RGS6: variants seen among roughly 807,000 people sequenced by gnomAD.
RGS6 encodes the protein regulator of G protein signaling 6, also known as regulator of G-protein signaling 6.
A neutral mutation model predicts 78.5 loss-of-function variants in RGS6; 30 were observed. The ratio of observed to expected loss-of-function variants is 0.38; its 90% CI spans 0.29 to 0.52. The LOEUF (loss-of-function observed/expected upper bound fraction) is 0.52, where lower values mean the gene tolerates loss of function less well. RGS6 is among the 20% of genes least tolerant of loss of function. The pLI is 0.85. For missense variants in RGS6, 495 were observed against 609.7 expected, an observed-to-expected ratio of 0.81 and a Z score of 1.98; for synonymous variants, 206 against 206.0, an observed-to-expected ratio of 1.00 and a Z score of 0.00.
At chr14:71,955,123 C>G (rs561230086) in intron 1 of RGS6, among the ~76,000 whole-genome samples, 5 of 152,116 alleles carry the variant, frequency 3.3e-5, no homozygotes, top group South Asian at 2.1e-4. Flanking sequence ...TCAAATCCCC[C>G]CAAGGGTCCT....
chr14:71,892,058 A>C, the RGS6 span, among the ~76,000 whole-genome samples: 3 of 152,230 alleles, frequency 2.0e-5, no homozygotes, highest in African/African-American at 7.2e-5. Flanking sequence ...ACTTCATTAC[A>C]CATGAATCTC....
At chr14:71,999,579 G>T (rs1450769897) in intron 2 of RGS6, among the ~76,000 whole-genome samples, 2 of 152,096 alleles carry the variant, frequency 1.3e-5, no homozygotes, top group Non-Finnish European at 2.9e-5. Context: ...CAATGTTGGA[G>T]GTGGGGCCTG....
the RGS6 span, among the ~76,000 whole-genome samples, chr14:71,882,564 G>A: frequency 1.3e-5 from 2 of 152,198 alleles, no homozygotes; most frequent in Non-Finnish European, 2.9e-5. Context: ...GCTGTTGAAT[G>A]GAACAGGTCT....
intron 2 of RGS6, among the ~76,000 whole-genome samples, chr14:72,026,078 C>G (rs1374085538): frequency 6.6e-6 from 1 of 152,132 alleles, no homozygotes; most frequent in Non-Finnish European, 1.5e-5. Flanking sequence ...AAACCTAAGG[C>G]TATGAAACTG....
At chr14:72,407,475 G>T (rs182071309) in intron 3 of RGS6, among the ~76,000 whole-genome samples, 8 of 152,354 alleles carry the variant, frequency 5.3e-5, no homozygotes, top group Admixed American at 5.2e-4. Context: ...TGGCTCATGT[G>T]ATTACGGAGG....
At chr14:71,973,888 GCAAGTCCCAGACCAGTGGTAT>G (rs1488355070) in intron 2 of RGS6, among the ~76,000 whole-genome samples, 1 of 152,140 alleles carries the variant, frequency 6.6e-6, no homozygotes, top group Non-Finnish European at 1.5e-5. Flanking sequence ...AGGCATGCAG[GCAAGTCCCAGACCAGTGGTAT>G]CAGTGTCCAC....
At chr14:72,367,253 T>A (rs1013902619) in intron 3 of RGS6, among the ~76,000 whole-genome samples, 6 of 152,186 alleles carry the variant, frequency 3.9e-5, no homozygotes, top group Non-Finnish European at 5.9e-5. Context: ...AAAAATAGAT[T>A]TCCAGGACAT....
chr14:72,214,092 G>A (rs371754784), intron 2 of RGS6, among the ~76,000 whole-genome samples: 1 of 137,598 alleles, frequency 7.3e-6, no homozygotes, highest in East Asian at 2.1e-4. Context: ...TATGCATTTT[G>A]AGTTACATTA....
At chr14:72,056,172 ATTCTCATT>A (rs2093608394) in intron 2 of RGS6, among the ~76,000 whole-genome samples, 1 of 152,220 alleles carries the variant, frequency 6.6e-6, no homozygotes, top group South Asian at 2.1e-4. Context: ...TATAAGCAGT[ATTCTCATT>A]TACAGATGGG....
At chr14:72,593,815 C>T in the RGS6 span, among the ~76,000 whole-genome samples, 12 of 152,170 alleles carry the variant, frequency 7.9e-5, no homozygotes, top group Admixed American at 7.9e-4. Flanking sequence ...TATTGGGCCA[C>T]CCCACCTCTT....
At chr14:72,335,410 G>C (rs939573923) in intron 2 of RGS6, among the ~76,000 whole-genome samples, 2 of 152,086 alleles carry the variant, frequency 1.3e-5, no homozygotes, top group African/African-American at 4.8e-5. Context: ...ATTCGTCCTA[G>C]GGAGGACTAG....
intron 10 of RGS6, among the ~76,000 whole-genome samples, chr14:72,475,496 G>A (rs1054120655): frequency 2.0e-5 from 3 of 152,136 alleles, no homozygotes; most frequent in Non-Finnish European, 1.5e-5. Flanking sequence ...TTGGGAGGCC[G>A]AGGTGGGCGG....
At chr14:71,896,005 C>T in the RGS6 span, among the ~76,000 whole-genome samples, 5 of 151,998 alleles carry the variant, frequency 3.3e-5, no homozygotes, top group Admixed American at 3.3e-4. Flanking sequence ...GGCCAGGGAG[C>T]CCAGGGGTGC....
In RGS6 at chr14:71,975,678, C is replaced by T. The variant is rs192040547; in HGVS notation, c.84+10803C>T. Among the ~76,000 whole-genome samples, 9 of 152,238 alleles carry T rather than the reference C, an allele frequency of 5.9e-5. No homozygotes were observed. In the South Asian group the frequency reaches 6.2e-4, roughly 11 times the overall value. The stretch of plus-strand genomic sequence containing the variant: ...TTCACCATGTTGACCAGGATGGTCT[C>T]GATCTCTTGACCTCGTGATCCTCCC... On this transcript the variant is annotated intron_variant, in intron 2 of 17. Coordinates refer to ENST00000553525, the MANE Select transcript of RGS6 (RefSeq NM_001204424.2).
chr14:72,130,870 G>A (rs1313070824), intron 2 of RGS6, among the ~76,000 whole-genome samples: 1 of 152,198 alleles, frequency 6.6e-6, no homozygotes, highest in Non-Finnish European at 1.5e-5. Flanking sequence ...TGTTGCATTG[G>A]TATGTGTGTT....
chr14:72,167,600 C>T (rs1425350588), intron 2 of RGS6, among the ~76,000 whole-genome samples: 4 of 152,142 alleles, frequency 2.6e-5, no homozygotes. Flanking sequence ...TGCTGTGTGC[C>T]AGATAATACT....
intron 3 of RGS6, among the ~76,000 whole-genome samples, chr14:72,442,106 G>A (rs1188547033): frequency 6.6e-6 from 1 of 152,078 alleles, no homozygotes; most frequent in African/African-American, 2.4e-5. Context: ...TCTTAAGCTC[G>A]GTTCTCTTTC....
chr14:71,971,597 T>C (rs2153077071), intron 2 of RGS6, among the ~76,000 whole-genome samples: 1 of 152,378 alleles, frequency 6.6e-6, no homozygotes, highest in East Asian at 1.9e-4. Flanking sequence ...CAAAACTCAA[T>C]GGCTTGAAAA....
chr14:72,399,828 A>C (rs1021741480), intron 3 of RGS6, among the ~76,000 whole-genome samples: 2 of 152,156 alleles, frequency 1.3e-5, no homozygotes, highest in Non-Finnish European at 2.9e-5. Flanking sequence ...CATGAAGAGA[A>C]GTTTAGAGAA....
Sources: allele counts gnomAD v4.1 joint callset (sites outside exome capture counted in the v4.1 genomes callset), GRCh38; gene constraint gnomAD v4.1.1; transcripts MANE v1.5; gene names NCBI Gene and HGNC (gene_info 2026-07-23, HGNC 2026-07-21).